PHLDB1: variants seen among roughly 807,000 people sequenced by gnomAD.
The protein encoded by PHLDB1 is pleckstrin homology like domain family B member 1.
Under a neutral mutation model 139.3 loss-of-function variants are expected in PHLDB1, and 65 were observed. The observed-to-expected ratio is 0.47, with a 90% CI of 0.38 to 0.57. PHLDB1 has a LOEUF of 0.57. Ranked by LOEUF, PHLDB1 falls within the 20% of genes least tolerant of loss-of-function variation. The pLI, the probability that PHLDB1 is intolerant of heterozygous loss-of-function variation, is 0.00. For missense variants in PHLDB1, 1,624 were observed against 1,839.7 expected (o/e 0.88, Z 2.14); for synonymous variants, 679 against 734.5 (o/e 0.92, Z 1.22).
chr11:118,652,131 A>T (rs1375829953), intron 20 of PHLDB1: 1 of 152,238 alleles, frequency 6.6e-6, no homozygotes, highest in Non-Finnish European at 1.5e-5. Flanking sequence ...AGGGCTGCAG[A>T]GTTTGGTGCC....
Position 118,650,214 on chromosome 11 carries a change from T to C in PHLDB1, c.3771+21T>C. 6.4e-7 allele frequency: 1 copy of C among 1,555,230 alleles called. No individual in the cohort carries two copies. On this transcript the variant is annotated intron_variant, in intron 19 of 22. Transcript: ENST00000600882. This position sits in a 1 kb window ranked among gnomAD's most constrained non-coding sequence, Gnocchi z 4.7. Reference sequence around the variant, plus strand: ...GCAAGGTACAAGGCGTGTGTGGCCCTGGGGTGCTGGGGAGAGGGAGAATCC... The same window carrying C: ...GCAAGGTACAAGGCGTGTGTGGCCCCGGGGTGCTGGGGAGAGGGAGAATCC...
Position 118,610,392 on chromosome 11 carries a change from G to GCCCTTTCTC in PHLDB1, c.-22+2694_-22+2702dup. ...TTCCTGACTCCTTCCTCTGACGGCG[G>GCCCTTTCTC]CCCTTTCTCGAGGGCGGATGTGCGC... is the stretch of plus-strand genomic sequence containing the variant. On this transcript the variant is annotated intron_variant, in intron 1 of 22. Coordinates refer to ENST00000600882, the MANE Select transcript of PHLDB1 (RefSeq NM_001144758.3). This position sits in a 1 kb window ranked among gnomAD's most constrained non-coding sequence, Gnocchi z 8.7. 1.1e-6 allele frequency: 1 copy of GCCCTTTCTC among 949,022 alleles called. No individual in the cohort carries two copies. The highest frequency in any genetic ancestry group is 1.3e-6 in the Non-Finnish European group (1 of 796,598). 58.8% of individuals were successfully genotyped at this position (949,022 alleles called of 1,614,324 possible).
intron 5 of PHLDB1, among the ~76,000 whole-genome samples, chr11:118,626,666 A>G (rs1446791570): frequency 6.6e-6 from 1 of 151,422 alleles, no homozygotes; most frequent in Non-Finnish European, 1.5e-5. Context: ...TACAGGCGTG[A>G]GCCACCACGC....
At chr11:118,656,276 C>T (rs1326722704) in intron 22 of PHLDB1, among the ~76,000 whole-genome samples, 1 of 152,206 alleles carries the variant, frequency 6.6e-6, no homozygotes, top group East Asian at 1.9e-4. Context: ...GTCCTGATCT[C>T]TGCTCCTCTG....
chr11:118,650,341 G>T lies in PHLDB1; in HGVS notation c.3772-104G>T. On this transcript the variant is annotated intron_variant, in intron 19 of 22. Transcript: ENST00000600882. The surrounding 1 kb of genome is among the most constrained non-coding windows in gnomAD (Gnocchi z 4.7). ...AGGACCTGGTGTGCTGGCCTGAGGA[G>T]ATGTTGGGGACAATCCCCCATGAAT... The T allele has an allele frequency of 2.0e-6, 2 of 995,748 alleles. No homozygotes were observed. The highest frequency in any genetic ancestry group is 1.3e-5 in the South Asian group (1 of 77,276). 61.7% of individuals were successfully genotyped at this position (995,748 alleles called of 1,614,324 possible).
rs139206588 is a variant in PHLDB1, at chr11:118,610,511, A to C, written c.-22+2812A>C. 1.0e-6 allele frequency: 1 copy of C among 967,950 alleles called. No homozygotes were observed. The highest frequency in any genetic ancestry group is 1.2e-6 in the Non-Finnish European group (1 of 813,914). 60.0% of individuals were successfully genotyped at this position (967,950 alleles called of 1,614,324 possible). The stretch of plus-strand genomic sequence containing the variant: ...ACCGCTTGGGCCGAGGCCGAGGCCG[A>C]CCCCCAGGGACACAGGTGAGGCCGG... On this transcript the variant is annotated intron_variant, in intron 1 of 22. Transcript: ENST00000600882. This position sits in a 1 kb window ranked among gnomAD's most constrained non-coding sequence, Gnocchi z 8.7.
intron 18 of PHLDB1, among the ~76,000 whole-genome samples, chr11:118,649,523 G>A (rs978517657): frequency 2.6e-5 from 4 of 151,994 alleles, no homozygotes; most frequent in Non-Finnish European, 5.9e-5. Flanking sequence ...AATATATGAT[G>A]TTTCCTGGCC....
In PHLDB1 at chr11:118,647,944, G is replaced by A; in HGVS notation, c.3522G>A (p.Glu1174=). The change falls in exon 18 of 23, where the codon GAG becomes GAA. Residue 1174 remains glutamate (E), a synonymous_variant. Coordinates refer to ENST00000600882, the MANE Select transcript of PHLDB1 (RefSeq NM_001144758.3). ...TTTGGGGGCAGGAGCGGGAGATGGA[G>A]CTGCGGCGGCAGGCCCTGGAGGAGG... ...RLMESREREM[E]LRRQALEEER... is the part of the protein sequence containing the mutation. The A allele has an allele frequency of 1.3e-6, 2 of 1,573,972 alleles. No individual in the cohort carries two copies. The highest frequency in any genetic ancestry group is 1.7e-6 in the Non-Finnish European group (2 of 1,160,172).
chr11:118,644,017 G>C (rs782434630), intron 14 of PHLDB1, 55 bp from the exon 15 acceptor site: 1 of 1,605,308 alleles, frequency 6.2e-7, no homozygotes, highest in African/African-American at 1.3e-5. Context: ...CAAGACCTTG[G>C]GAATGGGGGT....
chr11:118,632,740 C>T lies in PHLDB1; in HGVS notation c.2379+444C>T. 1 of 375,440 alleles carries T rather than the reference C, an allele frequency of 2.7e-6. No homozygotes were observed. Among genetic ancestry groups the T allele is most frequent in the East Asian group, 1.4e-4 (1 of 6,992 alleles). The allele number at this position is 375,440 out of a possible 1,614,324, so 23.3% of individuals were successfully genotyped here. On this transcript the variant is annotated intron_variant, in intron 9 of 22. Coordinates refer to ENST00000600882, the MANE Select transcript of PHLDB1 (RefSeq NM_001144758.3). The surrounding 1 kb of genome is among the most constrained non-coding windows in gnomAD (Gnocchi z 5.9). ...AGATGGCCCTCGGGCCTCTGCTTCC[C>T]TTGAGCCTTCAGGATCTGCAGCCTC...
chr11:118,621,086 A>AC (rs5795129), intron 4 of PHLDB1, among the ~76,000 whole-genome samples: 83,995 of 151,752 alleles, frequency 0.55, 23,495 homozygotes, highest in East Asian at 0.7. Context: ...TGGGAATGAG[A>AC]CCTGTCCTTT....
rs1370702138 is a variant in PHLDB1 at position 118,650,378 on chromosome 11, C to G, written c.3772-67C>G. 2 of 1,131,208 alleles carry G rather than the reference C, an allele frequency of 1.8e-6. No homozygotes were observed. Among genetic ancestry groups the G allele is most frequent in the Non-Finnish European group, 1.4e-6 (1 of 739,442 alleles). The allele number at this position is 1,131,208 out of a possible 1,614,324, so 70.1% of individuals were successfully genotyped here. A position where few individuals can be genotyped will look rare whatever the true frequency, so the allele number is the denominator to read the frequency against. On this transcript the variant is annotated intron_variant, in intron 19 of 22. Transcript: ENST00000600882. This position sits in a 1 kb window ranked among gnomAD's most constrained non-coding sequence, Gnocchi z 4.7. ...AATCCCCCATGAATACAGGCACAGG[C>G]GATGGCACACACTTAAGGCTTAAGG...
At chr11:118,656,662 C>T in intron 22 of PHLDB1, 21 bp from the exon 23 acceptor site, 3 of 1,610,100 alleles carry the variant, frequency 1.9e-6, no homozygotes, top group Admixed American at 1.7e-5. Flanking sequence ...CATCTTAGAC[C>T]TTCCTCTCTT....
chr11:118,649,920 C>T (rs1948112187), intron 18 of PHLDB1, among the ~76,000 whole-genome samples, 157 bp from the exon 19 acceptor site: 2 of 152,152 alleles, frequency 1.3e-5, no homozygotes, highest in South Asian at 2.1e-4. Context: ...GGTAGGTCTC[C>T]ACTTTTGCCA....
At chr11:118,623,693 C>G (rs1420966831) in intron 4 of PHLDB1, among the ~76,000 whole-genome samples, 1 of 152,066 alleles carries the variant, frequency 6.6e-6, no homozygotes, top group Non-Finnish European at 1.5e-5. Context: ...TCAGGACCCC[C>G]CCGGTTCATC....
intron 17 of PHLDB1, among the ~76,000 whole-genome samples, 193 bp downstream of exon 17, chr11:118,646,018 C>A (rs1947441662): frequency 6.6e-6 from 1 of 152,220 alleles, no homozygotes; most frequent in Non-Finnish European, 1.5e-5. Context: ...CCCAGCACTT[C>A]AGGTGGCCGA....
intron 12 of PHLDB1, 21 bp from the exon 13 acceptor site, chr11:118,642,233 C>T (rs781956607): frequency 7.5e-6 from 12 of 1,609,890 alleles, no homozygotes; most frequent in Non-Finnish European, 9.3e-6. Flanking sequence ...CCCCTTTTCC[C>T]CTCCCCATTC....
At chr11:118,616,881 C>T (rs902379341) in intron 4 of PHLDB1, among the ~76,000 whole-genome samples, 1 of 151,966 alleles carries the variant, frequency 6.6e-6, no homozygotes, top group Non-Finnish European at 1.5e-5. Context: ...CCTGTCTCTA[C>T]CCAAAATACA....
At chr11:118,622,710 C>T (rs541928346) in intron 4 of PHLDB1, among the ~76,000 whole-genome samples, 18 of 152,276 alleles carry the variant, frequency 1.2e-4, no homozygotes, top group East Asian at 1.2e-3. Context: ...TCTGTCTAGA[C>T]CCTGTGAACT....
Sources: allele counts gnomAD v4.1 joint callset (sites outside exome capture counted in the v4.1 genomes callset), GRCh38; gene constraint gnomAD v4.1.1; non-coding constraint Gnocchi (gnomAD v3.1); transcripts MANE v1.5; gene names NCBI Gene and HGNC (gene_info 2026-07-23, HGNC 2026-07-21).